The following NEURL1 variants were observed in gnomAD, a reference collection of about 807,000 sequenced individuals.
NEURL1 encodes the protein E3 ubiquitin-protein ligase NEURL1.
NEURL1 carries 26 observed loss-of-function variants against 41.2 expected under a neutral mutation model. That is an observed-to-expected ratio of 0.63 (90% confidence interval 0.46 to 0.87). The LOEUF is 0.87. NEURL1 is among the 40% of genes least tolerant of loss of function. NEURL1 has a pLI of 0.00. For missense variants in NEURL1, 761 were observed against 871.1 expected, an observed-to-expected ratio of 0.87 and a Z score of 1.59; for synonymous variants, 400 against 402.3, an observed-to-expected ratio of 0.99 and a Z score of 0.07.
chr10:103,525,354 T>TC (rs201587589), intron 1 of NEURL1, among the ~76,000 whole-genome samples: 72 of 101,794 alleles, frequency 7.1e-4, no homozygotes, highest in Admixed American at 2.2e-3. Context: ...TTTCTTTCTT[T>TC]TTTCTTTTTT....
At chr10:103,526,526 T>C (rs1007176806) in intron 1 of NEURL1, among the ~76,000 whole-genome samples, 10 of 152,106 alleles carry the variant, frequency 6.6e-5, no homozygotes, top group South Asian at 2.1e-4. Flanking sequence ...CTTTTCTTTT[T>C]TTTTTGAGAC....
chr10:103,569,309 G>A (rs913463748), intron 1 of NEURL1, among the ~76,000 whole-genome samples: 2 of 152,202 alleles, frequency 1.3e-5, no homozygotes, highest in Non-Finnish European at 2.9e-5. Flanking sequence ...ATTCATATCG[G>A]TAGTTCATTG....
Position 103,589,736 on chromosome 10 carries a change from T to C in NEURL1, c.1486+76T>C. On this transcript the variant is annotated intron_variant, in intron 5 of 5. Coordinates refer to ENST00000369780, the MANE Select transcript of NEURL1 (RefSeq NM_004210.5). ...AGGATGCAGCCTTTGTGTCCGGGGC[T>C]GGGAGTGGAGAGGAGCTGGAGTTGG... 6.5e-6 allele frequency: 10 copies of C among 1,532,954 alleles called. No homozygotes were observed. In the East Asian group the frequency reaches 2.1e-4, roughly 31 times the overall value. 95.0% of individuals were successfully genotyped at this position (1,532,954 alleles called of 1,614,324 possible).
intron 4 of NEURL1, among the ~76,000 whole-genome samples, chr10:103,587,884 T>C (rs1364152472): frequency 6.6e-6 from 1 of 152,122 alleles, no homozygotes; most frequent in African/African-American, 2.4e-5. Context: ...TTCTTAGAAA[T>C]AATAACACAA....
In NEURL1 at chr10:103,542,834, A is replaced by G. The variant is rs903084662; in HGVS notation, c.86-28038A>G. Among the ~76,000 whole-genome samples, 7 of 152,194 alleles carry G rather than the reference A, an allele frequency of 4.6e-5. No individual in the cohort carries two copies. The East Asian group carries it at 1.3e-3, about 29-fold the overall frequency. ...TCGTAGGCTTTGCAAACTGTAAGTC[A>G]CTGACACCCGGGGGCTGGCTGCTTA... On this transcript the variant is annotated intron_variant, in intron 1 of 5. Transcript: ENST00000369780.
chr10:103,541,217 G>T (rs1020518603), intron 1 of NEURL1, among the ~76,000 whole-genome samples: 1 of 152,140 alleles, frequency 6.6e-6, no homozygotes, highest in African/African-American at 2.4e-5. Context: ...TGTTAGGCAG[G>T]TCATGGGTTA....
At chr10:103,528,072 T>C (rs1367890675) in intron 1 of NEURL1, among the ~76,000 whole-genome samples, 2 of 151,832 alleles carry the variant, frequency 1.3e-5, no homozygotes, top group Non-Finnish European at 2.9e-5. Flanking sequence ...ATACAAAAAT[T>C]AGGCCAGGCA....
chr10:103,541,803 G>A (rs2034826225), intron 1 of NEURL1, among the ~76,000 whole-genome samples: 2 of 152,214 alleles, frequency 1.3e-5, no homozygotes, highest in Non-Finnish European at 2.9e-5. Flanking sequence ...GCTGTACTAT[G>A]CAGAAAACCG....
At chr10:103,564,127 C>T (rs556194960) in intron 1 of NEURL1, among the ~76,000 whole-genome samples, 3 of 152,304 alleles carry the variant, frequency 2.0e-5, no homozygotes, top group African/African-American at 7.2e-5. Flanking sequence ...GTATGTGTGT[C>T]AAGGCGTCTG....
At chr10:103,527,259 T>C (rs1592197548) in intron 1 of NEURL1, among the ~76,000 whole-genome samples, 1 of 151,874 alleles carries the variant, frequency 6.6e-6, no homozygotes, top group East Asian at 1.9e-4. Context: ...AGGTTTTGAC[T>C]GGCTGGATTT....
intron 1 of NEURL1, chr10:103,555,524 C>A: frequency 2.1e-6 from 2 of 961,960 alleles, no homozygotes; most frequent in African/African-American, 1.7e-5. Flanking sequence ...CTACTTCTCA[C>A]TCCATGGAGG....
chr10:103,504,511 G>A (rs1487277353), intron 1 of NEURL1, among the ~76,000 whole-genome samples: 1 of 152,114 alleles, frequency 6.6e-6, no homozygotes, highest in Non-Finnish European at 1.5e-5. Flanking sequence ...TCATATCAAC[G>A]GCACATGCTG....
chr10:103,515,134 A>G (rs1445047334), intron 1 of NEURL1, among the ~76,000 whole-genome samples: 1 of 147,112 alleles, frequency 6.8e-6, no homozygotes, highest in African/African-American at 2.5e-5. Context: ...AGGCTGAGGC[A>G]GGAGAATCGC....
intron 1 of NEURL1, among the ~76,000 whole-genome samples, chr10:103,567,403 T>C (rs2035449655): frequency 6.6e-6 from 1 of 152,200 alleles, no homozygotes; most frequent in Non-Finnish European, 1.5e-5. Flanking sequence ...TTTAATTTTT[T>C]TGAGACAAGG....
chr10:103,521,907 G>T (rs1324435041), intron 1 of NEURL1, among the ~76,000 whole-genome samples: 1 of 150,976 alleles, frequency 6.6e-6, no homozygotes, highest in African/African-American at 2.5e-5. Context: ...TCACCTGGGT[G>T]CAGGCGGGTT....
At position 103,590,328 on chromosome 10, in the gene NEURL1, C is replaced by T. The variant is rs760696221; in HGVS notation, c.1681C>T (p.Arg561Cys). The change falls in exon 6 of 6, where the codon CGC (arginine) becomes TGC (cysteine). Residue 561 changes from arginine (R) to cysteine (C), a missense_variant. Physicochemically the swap from Arg to Cys is radical, Grantham distance 180. Coordinates refer to ENST00000369780, the MANE Select transcript of NEURL1 (RefSeq NM_004210.5). ...TCTGCACGCCTGCTGCCCCATCTGCCGCCGCCCCATCAAGGACATCATCAA... is the reference window on the plus strand; with the variant it reads ...TCTGCACGCCTGCTGCCCCATCTGCTGCCGCCCCATCAAGGACATCATCAA... ...KALHACCPIC[R>C]RPIKDIIKTY... The T allele has an allele frequency of 6.8e-6, 11 of 1,614,124 alleles. No individual in the cohort carries two copies. The highest frequency in any genetic ancestry group is 2.2e-5 in the East Asian group (1 of 44,876).
intron 1 of NEURL1, among the ~76,000 whole-genome samples, chr10:103,536,588 T>C (rs1163869672): frequency 1.3e-5 from 2 of 152,138 alleles, no homozygotes; most frequent in Non-Finnish European, 2.9e-5. Context: ...ACCTATATCA[T>C]TGTTTATTCA....
chr10:103,531,203 A>C (rs1592200546), intron 1 of NEURL1, among the ~76,000 whole-genome samples: 1 of 151,826 alleles, frequency 6.6e-6, no homozygotes, highest in African/African-American at 2.4e-5. Flanking sequence ...CTGGGCAACA[A>C]AGCAAGACCC....
intron 1 of NEURL1, among the ~76,000 whole-genome samples, chr10:103,540,571 C>T (rs2002859): frequency 0.26 from 39,908 of 152,106 alleles, 6,896 homozygotes; most frequent in African/African-American, 0.49. Flanking sequence ...ATTACAGGTG[C>T]GAACCACCAC....
Sources: allele counts gnomAD v4.1 joint callset (sites outside exome capture counted in the v4.1 genomes callset), GRCh38; gene constraint gnomAD v4.1.1; transcripts MANE v1.5; gene names NCBI Gene and HGNC (gene_info 2026-07-23, HGNC 2026-07-21).